GRID2: variants seen among roughly 807,000 people sequenced by gnomAD.
GRID2 encodes glutamate ionotropic receptor delta type subunit 2.
In GRID2, 33 loss-of-function variants were observed where a neutral mutation model predicts 114.8. The ratio of observed to expected loss-of-function variants is 0.29; its 90% CI spans 0.22 to 0.38. The LOEUF is 0.38. Among genes scored for constraint, GRID2 ranks in the 10% least tolerant of loss-of-function variants. The probability of loss-of-function intolerance (pLI) is 1.00; values close to 1 mark genes in which losing one functional copy is unlikely to be tolerated. For synonymous variants in GRID2, 505 were observed against 449.9 expected (o/e 1.12, Z -1.55); for missense variants, 1,184 against 1,257.7 (o/e 0.94, Z 0.89).
At chr4:93,614,210 C>A (rs1199438783) in intron 13 of GRID2, among the ~76,000 whole-genome samples, 6 of 152,252 alleles carry the variant, frequency 3.9e-5, no homozygotes, top group Admixed American at 2.0e-4. Flanking sequence ...CGCCCACTGT[C>A]TGGCACTCCC....
At chr4:93,091,366 G>A (rs932018774) in intron 3 of GRID2, among the ~76,000 whole-genome samples, 3 of 152,086 alleles carry the variant, frequency 2.0e-5, no homozygotes, top group African/African-American at 7.2e-5. Flanking sequence ...CGATCAAGTC[G>A]TGAATAGAGC....
chr4:93,353,606 A>G (rs1245737234), intron 8 of GRID2, among the ~76,000 whole-genome samples: 1 of 152,050 alleles, frequency 6.6e-6, no homozygotes, highest in Non-Finnish European at 1.5e-5. Flanking sequence ...GAAAATGATG[A>G]AAGTAGAGGT....
At chr4:93,623,749 GTTTTA>G (rs1295810420) in intron 13 of GRID2, among the ~76,000 whole-genome samples, 1 of 151,906 alleles carries the variant, frequency 6.6e-6, no homozygotes, top group African/African-American at 2.4e-5. Context: ...ATTTTGTACT[GTTTTA>G]TTTTTAAGCT....
Position 93,685,619 on chromosome 4 carries a change from T to A in GRID2, c.2360+59184T>A, listed in dbSNP as rs568219372. On this transcript the variant is annotated intron_variant, in intron 14 of 15. Transcript: ENST00000282020. ...ACCAGTAGTTAGTTAGCAATGGTGATATTAGCAGTCCAAACTCTGCCTGGA... is the reference window on the plus strand; with the variant it reads ...ACCAGTAGTTAGTTAGCAATGGTGAAATTAGCAGTCCAAACTCTGCCTGGA... 2.6e-5 allele frequency among the ~76,000 whole-genome samples: 4 copies of A among 152,200 alleles called. No individual in the cohort carries two copies. In the South Asian group the frequency reaches 8.3e-4, roughly 32 times the overall value.
chr4:93,318,021 A>ATT, intron 8 of GRID2, among the ~76,000 whole-genome samples: 1 of 124,590 alleles, frequency 8.0e-6, no homozygotes, highest in African/African-American at 3.0e-5. Flanking sequence ...ATATATATAT[A>ATT]TTACTACTTT....
chr4:92,733,895 C>T (rs1579936166), intron 2 of GRID2, among the ~76,000 whole-genome samples: 1 of 151,980 alleles, frequency 6.6e-6, no homozygotes, highest in Non-Finnish European at 1.5e-5. Context: ...GTTCTACTCC[C>T]TCAAAAATTC....
chr4:93,679,763 G>C (rs1490010489), intron 14 of GRID2, among the ~76,000 whole-genome samples: 1 of 150,744 alleles, frequency 6.6e-6, no homozygotes, highest in Non-Finnish European at 1.5e-5. Context: ...GAATCTCTGG[G>C]ACACATTTAA....
chr4:92,465,931 A>G (rs1721729300), intron 1 of GRID2, among the ~76,000 whole-genome samples: 1 of 151,958 alleles, frequency 6.6e-6, no homozygotes, highest in Non-Finnish European at 1.5e-5. Context: ...AAAGAAAATA[A>G]TGATCATATA....
chr4:93,386,854 G>A (rs944423867), intron 8 of GRID2, among the ~76,000 whole-genome samples: 7 of 152,142 alleles, frequency 4.6e-5, no homozygotes, highest in African/African-American at 1.7e-4. Context: ...GAGGCTCCTG[G>A]AAAGGTTCAT....
intron 13 of GRID2, among the ~76,000 whole-genome samples, chr4:93,561,161 C>T (rs527696508): frequency 1.1e-4 from 17 of 152,030 alleles, no homozygotes; most frequent in Middle Eastern, 3.4e-3. Context: ...TATTGGTTAT[C>T]GGTTGCTGAT....
At chr4:93,262,316 C>T (rs749199229) in intron 8 of GRID2, among the ~76,000 whole-genome samples, 1 of 151,872 alleles carries the variant, frequency 6.6e-6, no homozygotes, top group Non-Finnish European at 1.5e-5. Flanking sequence ...TCTTCAACAG[C>T]TTCTGTAAAC....
At chr4:93,365,424 A>T (rs1392813295) in intron 8 of GRID2, among the ~76,000 whole-genome samples, 2 of 152,198 alleles carry the variant, frequency 1.3e-5, no homozygotes, top group Non-Finnish European at 2.9e-5. Flanking sequence ...TATTCCATGT[A>T]TAGGTTTTTG....
intron 8 of GRID2, among the ~76,000 whole-genome samples, chr4:93,317,876 T>A (rs1002296011): frequency 3.3e-5 from 5 of 150,856 alleles, no homozygotes; most frequent in African/African-American, 2.4e-5. Context: ...AAGTGCACAA[T>A]TTTCTCTCAC....
chr4:93,548,351 C>G (rs906589645), intron 13 of GRID2, among the ~76,000 whole-genome samples: 1 of 152,142 alleles, frequency 6.6e-6, no homozygotes, highest in Non-Finnish European at 1.5e-5. Context: ...ACTAGAGGCA[C>G]TTGAACGGAA....
intron 2 of GRID2, among the ~76,000 whole-genome samples, chr4:92,630,194 A>T (rs2149245387): frequency 6.6e-6 from 1 of 152,192 alleles, no homozygotes; most frequent in African/African-American, 2.4e-5. Flanking sequence ...GCCGTTATCT[A>T]CTGCTCTGAT....
At chr4:93,078,725 A>AATTAT (rs1431585216) in intron 2 of GRID2, among the ~76,000 whole-genome samples, 1 of 80,168 alleles carries the variant, frequency 1.2e-5, no homozygotes, top group Admixed American at 1.8e-4. Flanking sequence ...TACTAAATAT[A>AATTAT]ATTATATTTA....
intron 1 of GRID2, among the ~76,000 whole-genome samples, chr4:93,802,489 A>C (rs1314984045): frequency 6.6e-6 from 1 of 152,190 alleles, no homozygotes; most frequent in African/African-American, 2.4e-5. Flanking sequence ...GTACCTCACA[A>C]GAATTAAAAA....
chr4:92,926,706 A>G (rs1429486616), intron 2 of GRID2, among the ~76,000 whole-genome samples: 10 of 152,070 alleles, frequency 6.6e-5, no homozygotes, highest in South Asian at 2.1e-4. Flanking sequence ...CTGCTAAAAG[A>G]GAACATCTGA....
intron 3 of GRID2, among the ~76,000 whole-genome samples, chr4:93,092,858 A>G (rs1193608404): frequency 6.6e-6 from 1 of 151,910 alleles, no homozygotes; most frequent in Non-Finnish European, 1.5e-5. Context: ...ACACAAACAC[A>G]CACACACACA....
Sources: gnomAD v4.1 joint callset for allele counts (sites outside exome capture counted in the v4.1 genomes callset) on GRCh38, gnomAD v4.1.1 for gene constraint, MANE v1.5 for transcripts, NCBI Gene and HGNC (gene_info 2026-07-23, HGNC 2026-07-21) for gene names.